Variants in JAKMIP2 observed in about 807,000 individuals in gnomAD.
JAKMIP2 encodes the protein janus kinase and microtubule-interacting protein 2.
In JAKMIP2, 25 loss-of-function variants were observed where a neutral mutation model predicts 115.0. The ratio of observed to expected loss-of-function variants is 0.22; its 90% CI spans 0.16 to 0.30. The LOEUF is 0.30. Among genes scored for constraint, JAKMIP2 ranks in the 10% least tolerant of loss-of-function variants. JAKMIP2 has a pLI of 1.00. For synonymous variants in JAKMIP2, 334 were observed against 343.6 expected (o/e 0.97, Z 0.31); for missense variants, 642 against 957.6 (o/e 0.67, Z 4.35).
intron 3 of JAKMIP2, 99 bp from the exon 4 acceptor site, chr5:147,650,646 A>G (rs1758351590): frequency 1.1e-6 from 1 of 897,896 alleles, no homozygotes; most frequent in African/African-American, 1.7e-5. Context: ...TGATTGATAC[A>G]GAAAAAAAAT....
chr5:147,607,219 G>A (rs972134938), intron 20 of JAKMIP2, among the ~76,000 whole-genome samples: 1 of 152,104 alleles, frequency 6.6e-6, no homozygotes, highest in Admixed American at 6.5e-5. Flanking sequence ...TGTTGAATAG[G>A]AGTGGTAAGA....
intron 1 of JAKMIP2, among the ~76,000 whole-genome samples, chr5:147,721,738 C>T (rs6895952): frequency 0.11 from 16,874 of 152,046 alleles, 1,170 homozygotes; most frequent in Middle Eastern, 0.19. Context: ...CACTGACCTG[C>T]GCCTGCTGTC....
chr5:147,601,766 G>A lies in JAKMIP2; in HGVS notation c.2458C>T (p.Pro820Ser). 6.6e-7 allele frequency: 1 copy of A among 1,525,020 alleles called. No homozygotes were observed. The highest frequency in any genetic ancestry group is 2.5e-5 in the East Asian group (1 of 40,514). The allele number at this position is 1,525,020 out of a possible 1,614,324, so 94.5% of individuals were successfully genotyped here. A position where few individuals can be genotyped will look rare whatever the true frequency, so the allele number is the denominator to read the frequency against. The change falls in exon 21 of 22, where the codon CCT (proline) becomes TCT (serine). Residue 820 changes from proline to serine, a missense_variant. This residue lies in a region of JAKMIP2 where 26 missense variants were observed against 50.5 expected (regional missense o/e 0.51). Transcript: ENST00000616793. ...LFFSLAFILWP is the reference protein window; with the variant it reads ...LFFSLAFILWS ...CTTTAAGAGGCACCTTGACATCAAG[G>A]CCATAGAATAAAGGCAAGAGAGAAG...
intron 13 of JAKMIP2, 99 bp from the exon 14 acceptor site, chr5:147,631,610 T>A: frequency 1.5e-6 from 1 of 658,748 alleles, no homozygotes; most frequent in Non-Finnish European, 2.4e-6. Flanking sequence ...AGTTTATTAC[T>A]GTCATTTGGC....
chr5:147,636,072 T>C (rs1757602618), intron 12 of JAKMIP2, 150 bp downstream of exon 12: 1 of 625,300 alleles, frequency 1.6e-6, no homozygotes, highest in African/African-American at 1.8e-5. Flanking sequence ...GTGACAGGGA[T>C]GCGGTTGAGC....
At position 147,782,672 on chromosome 5, in the gene JAKMIP2, C is replaced by G; in HGVS notation, c.-365G>C. ...ATAGAGGCGGCGGCGGCGGCAGCAGCAGCAGCAGCAGCATCACCAGTTGGG... is the reference window on the plus strand; with the variant it reads ...ATAGAGGCGGCGGCGGCGGCAGCAGGAGCAGCAGCAGCATCACCAGTTGGG... On this transcript the variant is annotated 5_prime_UTR_variant, in exon 1 of 22. Coordinates refer to ENST00000616793, the MANE Select transcript of JAKMIP2 (RefSeq NM_001270941.2). The G allele has an allele frequency of 1.5e-6, 1 of 660,634 alleles. No individual in the cohort carries two copies. Among genetic ancestry groups the G allele is most frequent in the Non-Finnish European group, 2.8e-6 (1 of 361,652 alleles). 40.9% of individuals were successfully genotyped at this position (660,634 alleles called of 1,614,324 possible).
At chr5:147,771,660 C>T (rs1338229686) in intron 1 of JAKMIP2, among the ~76,000 whole-genome samples, 1 of 152,038 alleles carries the variant, frequency 6.6e-6, no homozygotes, top group Admixed American at 6.6e-5. Context: ...CCATTAGTTA[C>T]AAGCCACAGA....
intron 1 of JAKMIP2, among the ~76,000 whole-genome samples, chr5:147,673,100 G>A (rs1759719232): frequency 6.6e-6 from 1 of 152,136 alleles, no homozygotes; most frequent in Admixed American, 6.5e-5. Flanking sequence ...AGACCACATA[G>A]AAGGCAACTG....
At chr5:147,611,137 C>A (rs866465701) in intron 20 of JAKMIP2, among the ~76,000 whole-genome samples, 3 of 152,172 alleles carry the variant, frequency 2.0e-5, no homozygotes, top group Non-Finnish European at 2.9e-5. Context: ...GGGTGGGATC[C>A]GCTGAGCAAG....
chr5:147,595,999 G>T (rs1023196836), intron 21 of JAKMIP2, among the ~76,000 whole-genome samples: 7 of 152,160 alleles, frequency 4.6e-5, no homozygotes, highest in African/African-American at 1.4e-4. Context: ...AGATCCGAAG[G>T]ATAGGTGAGT....
chr5:147,669,434 G>T (rs1446970026), intron 2 of JAKMIP2, among the ~76,000 whole-genome samples: 1 of 152,186 alleles, frequency 6.6e-6, no homozygotes, highest in Non-Finnish European at 1.5e-5. Flanking sequence ...TTAGACAACG[G>T]TGCCAGGCCC....
At chr5:147,774,665 A>G (rs1444014099) in intron 1 of JAKMIP2, among the ~76,000 whole-genome samples, 2 of 152,166 alleles carry the variant, frequency 1.3e-5, no homozygotes, top group Non-Finnish European at 2.9e-5. Context: ...GGCCTTAAAT[A>G]TACGTCAGTG....
rs150539979 is a variant in JAKMIP2 at position 147,650,485 on chromosome 5, C to T, written c.690G>A (p.Gln230=). 5 of 1,613,812 alleles carry T rather than the reference C, an allele frequency of 3.1e-6. No individual in the cohort carries two copies. The highest frequency in any genetic ancestry group is 1.7e-5 in the Admixed American group (1 of 59,978). Residue 230 remains glutamine, a synonymous_variant, in exon 4 of 22, where the codon CAG becomes CAA. Coordinates refer to ENST00000616793, the MANE Select transcript of JAKMIP2 (RefSeq NM_001270941.2). ...GTTGGAGTTTCTGTACATAGCCTGTCTGGGTCTCCAGTTCCTTTTCCAGGG... is the reference window on the plus strand; with the variant it reads ...GTTGGAGTTTCTGTACATAGCCTGTTTGGGTCTCCAGTTCCTTTTCCAGGG... The part of the protein sequence containing the change: ...IFSLEKELET[Q]TGYVQKLQLQ...
chr5:147,740,610 G>A (rs955135328), intron 1 of JAKMIP2, among the ~76,000 whole-genome samples: 1 of 152,198 alleles, frequency 6.6e-6, no homozygotes, highest in Non-Finnish European at 1.5e-5. Flanking sequence ...CTTAGAAGCA[G>A]TGTGGAGGGG....
chr5:147,676,564 C>A (rs1157764579), intron 1 of JAKMIP2, among the ~76,000 whole-genome samples: 1 of 152,168 alleles, frequency 6.6e-6, no homozygotes, highest in Non-Finnish European at 1.5e-5. Flanking sequence ...TAGCTCCTAG[C>A]TGCATGGTCA....
chr5:147,690,263 G>A (rs1422376287), intron 1 of JAKMIP2, among the ~76,000 whole-genome samples: 5 of 151,942 alleles, frequency 3.3e-5, no homozygotes, highest in Admixed American at 3.3e-4. Flanking sequence ...AGCCCAGAAG[G>A]TTGAGGGTGC....
chr5:147,746,333 T>C (rs1754345102), intron 1 of JAKMIP2, among the ~76,000 whole-genome samples: 1 of 152,132 alleles, frequency 6.6e-6, no homozygotes, highest in South Asian at 2.1e-4. Context: ...CTCGATGACC[T>C]GGGTTGTACT....
At chr5:147,628,962 G>A in intron 15 of JAKMIP2, 146 bp from the exon 16 acceptor site, 1 of 566,206 alleles carries the variant, frequency 1.8e-6, no homozygotes, top group South Asian at 2.7e-5. Context: ...TAATAATTCT[G>A]AACAAAGAGT....
Position 147,591,310 on chromosome 5 carries a change from C to G in JAKMIP2, c.*397G>C, listed in dbSNP as rs541111676. The stretch of plus-strand genomic sequence containing the variant: ...GGGTGTGGTGTTACATTAAAATGAC[C>G]CCCCTGCACAGCAGGGGTTGAATAT... On this transcript the variant is annotated 3_prime_UTR_variant, in exon 22 of 22. Transcript: ENST00000616793. 61 of 214,148 alleles carry G rather than the reference C, an allele frequency of 2.8e-4. No individual in the cohort carries two copies. The highest frequency in any genetic ancestry group is 4.5e-4 in the Non-Finnish European group (49 of 109,888). 13.3% of individuals were successfully genotyped at this position (214,148 alleles called of 1,614,324 possible).
Sources: gnomAD v4.1 joint callset for allele counts (sites outside exome capture counted in the v4.1 genomes callset) on GRCh38, gnomAD v4.1.1 for gene constraint, gnomAD v4.1.1 regional missense constraint, MANE v1.5 for transcripts, NCBI Gene and HGNC (gene_info 2026-07-23, HGNC 2026-07-21) for gene names.